The following FAM110B variants were observed in gnomAD, a reference collection of about 807,000 sequenced individuals.
The protein encoded by FAM110B is family with sequence similarity 110 member B.
FAM110B carries 6 observed loss-of-function variants against 20.4 expected under a neutral mutation model. That is an observed-to-expected ratio of 0.29 (90% CI 0.16 to 0.58). FAM110B has a LOEUF of 0.58. Ranked by LOEUF, FAM110B falls within the 20% of genes least tolerant of loss-of-function variation. The probability of loss-of-function intolerance (pLI) is 0.90; values close to 1 mark genes in which losing one functional copy is unlikely to be tolerated. For missense variants in FAM110B, 434 were observed against 498.2 expected (o/e 0.87, Z 1.23); for synonymous variants, 226 against 214.1 (o/e 1.06, Z -0.49).
At chr8:58,042,857 T>A (rs2150577365) in intron 2 of FAM110B, among the ~76,000 whole-genome samples, 1 of 152,322 alleles carries the variant, frequency 6.6e-6, no homozygotes, top group African/African-American at 2.4e-5. Flanking sequence ...GGACTTTTTC[T>A]GGTTTCTAGC....
chr8:58,082,747 G>A (rs1015863992), intron 3 of FAM110B, among the ~76,000 whole-genome samples: 1 of 152,090 alleles, frequency 6.6e-6, no homozygotes. Flanking sequence ...GGAGGCTGAG[G>A]TGGGAGGATC....
chr8:58,041,753 T>C (rs1805226216), intron 2 of FAM110B, among the ~76,000 whole-genome samples: 1 of 152,212 alleles, frequency 6.6e-6, no homozygotes, highest in Non-Finnish European at 1.5e-5. Context: ...CAGCACTTAC[T>C]GGTGTTAACC....
chr8:58,018,290 C>T (rs1482590106), intron 1 of FAM110B, among the ~76,000 whole-genome samples: 1 of 152,060 alleles, frequency 6.6e-6, no homozygotes, highest in African/African-American at 2.4e-5. Flanking sequence ...GGTACATGCA[C>T]ATTTAGAACT....
At chr8:58,047,721 G>T (rs1003610368) in intron 2 of FAM110B, among the ~76,000 whole-genome samples, 1 of 149,710 alleles carries the variant, frequency 6.7e-6, no homozygotes, top group African/African-American at 2.5e-5. Context: ...CATTCTATCT[G>T]TACAGTTTAT....
At chr8:58,047,591 CCTCTCTCTCTCTCTCTCTCTCT>C (rs56031012) in intron 2 of FAM110B, among the ~76,000 whole-genome samples, 3 of 74,646 alleles carry the variant, frequency 4.0e-5, no homozygotes, top group South Asian at 5.9e-4. Flanking sequence ...CTTCCTTTTT[CCTCTCTCTCTCTCTCTCTCTCT>C]CTCTCTCTCT....
intron 1 of FAM110B, among the ~76,000 whole-genome samples, chr8:58,030,945 G>A (rs1040067170): frequency 4.9e-4 from 75 of 152,010 alleles, no homozygotes; most frequent in African/African-American, 1.7e-3. Flanking sequence ...TTCTTTCCCC[G>A]TTTGTAAAAA....
intron 3 of FAM110B, among the ~76,000 whole-genome samples, chr8:58,127,455 C>T (rs1415141551): frequency 6.6e-6 from 1 of 151,986 alleles, no homozygotes; most frequent in Non-Finnish European, 1.5e-5. Flanking sequence ...TTTTGCTTGA[C>T]CTTCTCCCTC....
chr8:58,066,018 C>T (rs2150587622), intron 2 of FAM110B, among the ~76,000 whole-genome samples: 2 of 152,208 alleles, frequency 1.3e-5, no homozygotes, highest in East Asian at 3.9e-4. Flanking sequence ...GCCGTGATGA[C>T]AAGGAAGTAT....
At chr8:58,028,895 A>G (rs1025041996) in intron 1 of FAM110B, among the ~76,000 whole-genome samples, 1 of 152,200 alleles carries the variant, frequency 6.6e-6, no homozygotes, top group African/African-American at 2.4e-5. Flanking sequence ...CTACCCATCT[A>G]AAGACACACT....
intron 1 of FAM110B, among the ~76,000 whole-genome samples, chr8:58,010,269 G>C (rs918675205): frequency 1.3e-5 from 2 of 150,446 alleles, no homozygotes; most frequent in African/African-American, 4.9e-5. Flanking sequence ...TGATCTACCC[G>C]CCTTGGCCTC....
At chr8:58,144,286 C>G (rs1337389967) in intron 3 of FAM110B, among the ~76,000 whole-genome samples, 1 of 152,192 alleles carries the variant, frequency 6.6e-6, no homozygotes, top group African/African-American at 2.4e-5. Context: ...GGCTCTGAGT[C>G]TCTTCTGTAA....
intron 3 of FAM110B, among the ~76,000 whole-genome samples, chr8:58,088,683 A>G (rs1806398250): frequency 6.6e-6 from 1 of 152,204 alleles, no homozygotes; most frequent in African/African-American, 2.4e-5. Flanking sequence ...TTGCACCTTC[A>G]TCTTGGGTTC....
intron 3 of FAM110B, among the ~76,000 whole-genome samples, chr8:58,129,804 C>T (rs929468935): frequency 5.9e-5 from 9 of 152,308 alleles, no homozygotes; most frequent in Middle Eastern, 6.8e-3. Flanking sequence ...CTTTCTTCCG[C>T]TCTTACTTTT....
intron 2 of FAM110B, among the ~76,000 whole-genome samples, chr8:58,039,614 T>C (rs1377582817): frequency 6.6e-6 from 1 of 152,216 alleles, no homozygotes; most frequent in South Asian, 2.1e-4. Context: ...GCCGCTCCTA[T>C]CTATGGGACA....
chr8:58,037,464 G>T (rs945232165), intron 2 of FAM110B, among the ~76,000 whole-genome samples: 1 of 150,052 alleles, frequency 6.7e-6, no homozygotes, highest in South Asian at 2.2e-4. Flanking sequence ...GTGAGACTCA[G>T]TCTCCACAAA....
chr8:58,044,826 T>G (rs1020750813), intron 2 of FAM110B, among the ~76,000 whole-genome samples: 1 of 152,144 alleles, frequency 6.6e-6, no homozygotes, highest in Non-Finnish European at 1.5e-5. Context: ...ACTTGGAAAT[T>G]TTTATGAGAC....
chr8:58,000,746 G>C (rs187288174), intron 1 of FAM110B, among the ~76,000 whole-genome samples: 5 of 152,140 alleles, frequency 3.3e-5, no homozygotes. Flanking sequence ...TCCTGATTAC[G>C]CTTGTGTGTT....
chr8:58,048,774 TG>T (rs1194068440), intron 2 of FAM110B, among the ~76,000 whole-genome samples: 10 of 152,234 alleles, frequency 6.6e-5, no homozygotes, highest in African/African-American at 2.2e-4. Flanking sequence ...TTTGCATTCC[TG>T]ACTTTGTTGA....
chr8:58,129,017 C>T (rs17176389), intron 3 of FAM110B, among the ~76,000 whole-genome samples: 13,128 of 152,226 alleles, frequency 0.086, 737 homozygotes, highest in Middle Eastern at 0.13. Context: ...AGAAACAACG[C>T]TGGGAGTGAT....
Sources: allele counts gnomAD v4.1 joint callset (sites outside exome capture counted in the v4.1 genomes callset), GRCh38; gene constraint gnomAD v4.1.1; transcripts MANE v1.5; gene names NCBI Gene and HGNC (gene_info 2026-07-23, HGNC 2026-07-21).